ODAD2: variants seen among roughly 807,000 people sequenced by gnomAD.
ODAD2 encodes outer dynein arm-docking complex subunit 2.
ODAD2 carries 89 observed loss-of-function variants against 106.8 expected under a neutral mutation model. That is an observed-to-expected ratio of 0.83 (90% CI 0.70 to 0.99). ODAD2 has a LOEUF of 0.99. Among genes scored for constraint, ODAD2 ranks in the 50% least tolerant of loss-of-function variants. ODAD2 has a pLI of 0.00. For synonymous variants in ODAD2, 404 were observed against 436.2 expected, an observed-to-expected ratio of 0.93 and a Z score of 0.92; for missense variants, 1,168 against 1,238.5, an observed-to-expected ratio of 0.94 and a Z score of 0.85.
At chr10:27,988,035 A>G (rs1849988418) in intron 2 of ODAD2, among the ~76,000 whole-genome samples, 1 of 150,358 alleles carries the variant, frequency 6.7e-6, no homozygotes, top group Non-Finnish European at 1.5e-5. Context: ...ACTGAAGGCA[A>G]ACTAGATCCT....
intron 17 of ODAD2, among the ~76,000 whole-genome samples, chr10:27,897,418 A>G (rs919857509): frequency 4.6e-5 from 7 of 152,214 alleles, no homozygotes; most frequent in Non-Finnish European, 1.0e-4. Flanking sequence ...TAAAAATTCT[A>G]TCATGTTCCT....
At chr10:27,968,078 G>T (rs947449305) in intron 9 of ODAD2, among the ~76,000 whole-genome samples, 21 of 151,366 alleles carry the variant, frequency 1.4e-4, no homozygotes, top group African/African-American at 5.1e-4. Flanking sequence ...GATATGAAAG[G>T]CACCATCATA....
rs762385193 is a variant in ODAD2, at chr10:27,935,014, T to C, written c.2491A>G (p.Met831Val). 29 of 1,613,830 alleles carry C rather than the reference T, an allele frequency of 1.8e-5. No homozygotes were observed. Among genetic ancestry groups the C allele is most frequent in the Non-Finnish European group, 2.4e-5 (28 of 1,179,824 alleles). The change falls in exon 16 of 20, where the codon ATG becomes GTG. Residue 831 changes from methionine (M) to valine (V), a missense_variant. Transcript: ENST00000305242. Reference protein sequence around the residue: ...VGACAVEPESMMIIDRLDGVR... With the variant: ...VGACAVEPESVMIIDRLDGVR... Reference sequence around the variant, plus strand: ...TCCATCTCCAGGGCCACTTACATCATACTTTCAGGTTCTACTGCACAAGCA... The same window carrying C: ...TCCATCTCCAGGGCCACTTACATCACACTTTCAGGTTCTACTGCACAAGCA...
At chr10:27,864,734 G>A (rs1436728078) in intron 17 of ODAD2, among the ~76,000 whole-genome samples, 1 of 151,916 alleles carries the variant, frequency 6.6e-6, no homozygotes, top group Non-Finnish European at 1.5e-5. Flanking sequence ...CCTTCTCTAA[G>A]GTTGTATGGG....
In ODAD2 at chr10:27,985,311, G is replaced by A. The variant is rs535794343; in HGVS notation, c.383-100C>T. 27 of 998,798 alleles carry A rather than the reference G, an allele frequency of 2.7e-5. 1 individual carries two copies. Among genetic ancestry groups the A allele is most frequent in the Non-Finnish European group, 3.5e-5 (25 of 713,100 alleles). The allele number at this position is 998,798 out of a possible 1,614,324, so 61.9% of individuals were successfully genotyped here. ...TAAATCCTTCAAAGTCCATTCAGAC[G>A]TGTTTCTTTCATTAAGCTTTTTCTA... On this transcript the variant is annotated intron_variant, in intron 3 of 19. Transcript: ENST00000305242.
At chr10:27,848,643 T>A (rs981390838) in intron 19 of ODAD2, among the ~76,000 whole-genome samples, 5 of 151,712 alleles carry the variant, frequency 3.3e-5, no homozygotes, top group Non-Finnish European at 7.4e-5. Context: ...TGGGAGAAAA[T>A]TTTTGCAATC....
intron 10 of ODAD2, among the ~76,000 whole-genome samples, chr10:27,960,551 T>C (rs971118538): frequency 3.9e-5 from 6 of 151,956 alleles, no homozygotes; most frequent in Non-Finnish European, 7.4e-5. Flanking sequence ...GGTTTCACCA[T>C]GTTGGCCAGG....
intron 10 of ODAD2, among the ~76,000 whole-genome samples, chr10:27,955,862 A>T (rs559534610): frequency 6.6e-6 from 1 of 151,928 alleles, no homozygotes; most frequent in East Asian, 1.9e-4. Flanking sequence ...GAAACCCAAA[A>T]CCTGCCAGGG....
chr10:27,955,727 GTGT>G (rs1198917414), intron 10 of ODAD2, among the ~76,000 whole-genome samples: 47 of 151,586 alleles, frequency 3.1e-4, no homozygotes, highest in Non-Finnish European at 4.4e-4. Flanking sequence ...GTGTGTGTGT[GTGT>G]GTGTGTGTGT....
chr10:27,932,696 A>T (rs1004172570), intron 16 of ODAD2, among the ~76,000 whole-genome samples: 2 of 152,150 alleles, frequency 1.3e-5, no homozygotes, highest in Admixed American at 1.3e-4. Flanking sequence ...TTTAAATATT[A>T]TCCTCCCCGA....
chr10:27,831,219 T>C (rs1194210992), intron 19 of ODAD2, among the ~76,000 whole-genome samples: 1 of 152,162 alleles, frequency 6.6e-6, no homozygotes, highest in Non-Finnish European at 1.5e-5. Flanking sequence ...ATCAGAACAA[T>C]TCCTTGTTCT....
intron 16 of ODAD2, among the ~76,000 whole-genome samples, chr10:27,909,237 T>C (rs1034731408): frequency 2.6e-5 from 4 of 152,174 alleles, no homozygotes; most frequent in African/African-American, 9.7e-5. Flanking sequence ...TTGGCATTAG[T>C]GATATTTAAC....
intron 19 of ODAD2, among the ~76,000 whole-genome samples, chr10:27,848,232 A>C (rs1278564520): frequency 3.9e-5 from 6 of 152,254 alleles, no homozygotes; most frequent in East Asian, 1.9e-4. Flanking sequence ...AGATATAGAC[A>C]AATGAAAGAG....
intron 7 of ODAD2, among the ~76,000 whole-genome samples, chr10:27,975,360 C>T (rs985564762): frequency 4.6e-5 from 7 of 151,898 alleles, no homozygotes; most frequent in African/African-American, 1.2e-4. Flanking sequence ...ACTAGTTCCT[C>T]GAGGAAATTT....
chr10:27,857,491 A>G (rs1201820305), intron 19 of ODAD2, among the ~76,000 whole-genome samples: 2 of 152,192 alleles, frequency 1.3e-5, no homozygotes. Context: ...TGGGTTAAAT[A>G]TATTACTAAA....
intron 16 of ODAD2, among the ~76,000 whole-genome samples, chr10:27,910,317 A>G (rs2133879332): frequency 6.6e-6 from 1 of 152,250 alleles, no homozygotes; most frequent in East Asian, 1.9e-4. Flanking sequence ...CCTAGGGAAA[A>G]AAGTCTCCAA....
At chr10:27,833,016 G>A (rs903683380) in intron 19 of ODAD2, among the ~76,000 whole-genome samples, 2 of 152,174 alleles carry the variant, frequency 1.3e-5, no homozygotes, top group African/African-American at 4.8e-5. Context: ...GGTGGAATCT[G>A]TGATGAAATT....
At chr10:27,959,100 G>A in intron 10 of ODAD2, 1 of 950,342 alleles carries the variant, frequency 1.1e-6, no homozygotes, top group South Asian at 1.7e-5. Flanking sequence ...ACTTTGGGAG[G>A]CCAATGTAGG....
Position 27,984,293 on chromosome 10 carries a change from G to C in ODAD2, c.576-3C>G, listed in dbSNP as rs375638502. On this transcript the variant is annotated splice_polypyrimidine_tract_variant and splice_region_variant and intron_variant, in intron 4 of 19. Transcript: ENST00000305242. ...TCATGGGACTTAAACTTATTTCTCTGAAATAAATGTTTAAAATGTCAGCTT... is the reference window on the plus strand; with the variant it reads ...TCATGGGACTTAAACTTATTTCTCTCAAATAAATGTTTAAAATGTCAGCTT... The C allele has an allele frequency of 1.3e-6, 2 of 1,587,048 alleles. No individual in the cohort carries two copies. Among genetic ancestry groups the C allele is most frequent in the African/African-American group, 2.7e-5 (2 of 74,324 alleles).
Sources: allele counts gnomAD v4.1 joint callset (sites outside exome capture counted in the v4.1 genomes callset), GRCh38; gene constraint gnomAD v4.1.1; transcripts MANE v1.5; gene names NCBI Gene and HGNC (gene_info 2026-07-23, HGNC 2026-07-21).